The following ADAMTS2 variants were observed in gnomAD, a reference collection of about 807,000 sequenced individuals.
ADAMTS2 encodes the protein ADAM metallopeptidase with thrombospondin type 1 motif 2, also known as A disintegrin and metalloproteinase with thrombospondin motifs 2.
Under a neutral mutation model 123.0 loss-of-function variants are expected in ADAMTS2, and 50 were observed. The ratio of observed to expected loss-of-function variants is 0.41; its 90% CI spans 0.32 to 0.51. The LOEUF (loss-of-function observed/expected upper bound fraction) is 0.51. Among genes scored for constraint, ADAMTS2 ranks in the 20% least tolerant of loss-of-function variants. ADAMTS2 has a pLI of 0.35. For synonymous variants in ADAMTS2, 678 were observed against 695.4 expected (o/e 0.98, Z 0.39); for missense variants, 1,494 against 1,705.2 (o/e 0.88, Z 2.18).
chr5:179,150,099 A>C (rs1306368599), intron 10 of ADAMTS2, among the ~76,000 whole-genome samples: 2 of 150,660 alleles, frequency 1.3e-5, no homozygotes, highest in Non-Finnish European at 3.0e-5. Context: ...CCAGCCACAC[A>C]CACACATATG....
chr5:179,184,088 C>G (rs1188333812), intron 4 of ADAMTS2, among the ~76,000 whole-genome samples: 1 of 152,126 alleles, frequency 6.6e-6, no homozygotes, highest in Non-Finnish European at 1.5e-5. Flanking sequence ...TTTTGTTATA[C>G]CAGCCCAAGC....
At chr5:179,149,760 G>A (rs1042983216) in intron 10 of ADAMTS2, among the ~76,000 whole-genome samples, 6 of 152,324 alleles carry the variant, frequency 3.9e-5, no homozygotes, top group South Asian at 2.1e-4. Flanking sequence ...GGAGGAGCCC[G>A]TCTTCCACGT....
In ADAMTS2 at chr5:179,170,570, G is replaced by A. The variant is rs1203670949; in HGVS notation, c.975+10502C>T. 1.3e-5 allele frequency among the ~76,000 whole-genome samples: 2 copies of A among 152,006 alleles called. No homozygotes were observed. Among genetic ancestry groups the A allele is most frequent in the African/African-American group, 2.4e-5 (1 of 41,378 alleles). Reference sequence around the variant, plus strand: ...CAAACTTTGTCCCCAGAGCCCCATCGAGAATCCCTGGCTGTGCTTCTCTGT... The same window carrying A: ...CAAACTTTGTCCCCAGAGCCCCATCAAGAATCCCTGGCTGTGCTTCTCTGT... On this transcript the variant is annotated intron_variant, in intron 5 of 21. Coordinates refer to ENST00000251582, the MANE Select transcript of ADAMTS2 (RefSeq NM_014244.5). This position sits in a 1 kb window ranked among gnomAD's most constrained non-coding sequence, Gnocchi z 4.3.
Position 179,154,875 on chromosome 5 carries a change from T to G in ADAMTS2, c.1177A>C (p.Thr393Pro). The change falls in exon 7 of 22, where the codon ACC (threonine) becomes CCC (proline). Residue 393 changes from threonine (T) to proline (P), a missense_variant. Thr to Pro is a conservative substitution (Grantham distance 38, BLOSUM62 -1). This residue lies in a region of ADAMTS2 where 47 missense variants were observed against 92.7 expected (regional missense o/e 0.51). Coordinates refer to ENST00000251582, the MANE Select transcript of ADAMTS2 (RefSeq NM_014244.5). Reference protein sequence around the residue: ...TGMCHPVRSCTLNHEDGFSSA... With the variant: ...TGMCHPVRSCPLNHEDGFSSA... ...GAGAAGCCGTCCTCATGGTTCAGGG[T>G]GCAGCTGCGGACCGGATGGCACATG... 1 of 1,613,720 alleles carries G rather than the reference T, an allele frequency of 6.2e-7. No homozygotes were observed. Among genetic ancestry groups the G allele is most frequent in the Non-Finnish European group, 8.5e-7 (1 of 1,179,958 alleles).
intron 12 of ADAMTS2, 61 bp downstream of exon 12, chr5:179,137,708 A>ACCCTGC: frequency 5.7e-6 from 3 of 522,442 alleles, no homozygotes; most frequent in Non-Finnish European, 7.1e-6. Flanking sequence ...ACAAGCCCCC[A>ACCCTGC]CCCTGCCCAC....
chr5:179,122,517 C>A, intron 20 of ADAMTS2, 127 bp downstream of exon 20: 1 of 1,377,568 alleles, frequency 7.3e-7, no homozygotes, highest in Non-Finnish European at 9.8e-7. Flanking sequence ...CCCGCTTCTC[C>A]ATGCTCACAG....
chr5:179,212,533 G>T lies in ADAMTS2; in HGVS notation c.689-4818C>A, dbSNP rs1489911621. Among the ~76,000 whole-genome samples, 4 of 137,818 alleles carry T rather than the reference G, an allele frequency of 2.9e-5. 1 individual carries two copies. Among genetic ancestry groups the T allele is most frequent in the Admixed American group, 7.2e-5 (1 of 13,886 alleles). The allele number at this position is 137,818 out of a possible 152,430, so 90.4% of individuals were successfully genotyped here. On this transcript the variant is annotated intron_variant, in intron 3 of 21. Coordinates refer to ENST00000251582, the MANE Select transcript of ADAMTS2 (RefSeq NM_014244.5). ...TTGTGGGCAGGTGTGGGCTCCGAAG[G>T]CAGGTGCAGTGAGCAGGCGTGGGTC...
chr5:179,195,270 T>C (rs1764400314), intron 4 of ADAMTS2, among the ~76,000 whole-genome samples: 1 of 152,172 alleles, frequency 6.6e-6, no homozygotes, highest in Non-Finnish European at 1.5e-5. Context: ...CTGAGCACTT[T>C]CCTGGTGTTC....
intron 4 of ADAMTS2, among the ~76,000 whole-genome samples, chr5:179,193,503 C>T (rs933717110): frequency 3.3e-5 from 5 of 152,070 alleles, no homozygotes; most frequent in Admixed American, 1.3e-4. Flanking sequence ...AACTGTATCC[C>T]GGGACCTGGC....
chr5:179,153,045 C>T (rs778189251), intron 9 of ADAMTS2, among the ~76,000 whole-genome samples: 28 of 152,236 alleles, frequency 1.8e-4, no homozygotes, highest in South Asian at 4.1e-4. Context: ...GTTCCTCTGA[C>T]GGCTCAGCCC....
intron 2 of ADAMTS2, among the ~76,000 whole-genome samples, chr5:179,304,150 C>T (rs762834168): frequency 3.3e-5 from 5 of 152,180 alleles, no homozygotes; most frequent in Admixed American, 6.5e-5. Flanking sequence ...CATTGAACCG[C>T]AATCCACAGG....
chr5:179,221,105 G>A (rs941075091), intron 3 of ADAMTS2, among the ~76,000 whole-genome samples: 7 of 152,128 alleles, frequency 4.6e-5, no homozygotes, highest in African/African-American at 1.4e-4. Context: ...AGCCCTGCAC[G>A]GTGGGCCACA....
chr5:179,218,486 A>G (rs1765053003), intron 3 of ADAMTS2, among the ~76,000 whole-genome samples: 1 of 152,268 alleles, frequency 6.6e-6, no homozygotes. Context: ...GGCCATCAGC[A>G]CAGAGCCCCA....
In ADAMTS2 at chr5:179,221,238, C is replaced by T. The variant is rs147859667; in HGVS notation, c.689-13523G>A. On this transcript the variant is annotated intron_variant, in intron 3 of 21. Transcript: ENST00000251582. ...TGGAGTGGGCACGGGACCTCTCTTACGCAAATGAGGGAACAAGCCCTGGGC... is the reference window on the plus strand; with the variant it reads ...TGGAGTGGGCACGGGACCTCTCTTATGCAAATGAGGGAACAAGCCCTGGGC... Among the ~76,000 whole-genome samples, 262 of 152,300 alleles carry T rather than the reference C, an allele frequency of 1.7e-3. 2 individuals carry two copies. Among genetic ancestry groups the T allele is most frequent in the African/African-American group, 5.8e-3 (241 of 41,564 alleles).
At chr5:179,209,522 G>T (rs1011686284) in intron 3 of ADAMTS2, among the ~76,000 whole-genome samples, 1 of 151,126 alleles carries the variant, frequency 6.6e-6, no homozygotes, top group Admixed American at 6.6e-5. Context: ...ACACACACAT[G>T]CACACACACA....
chr5:179,194,974 C>T (rs1043242055), intron 4 of ADAMTS2, among the ~76,000 whole-genome samples: 5 of 152,218 alleles, frequency 3.3e-5, no homozygotes, highest in Admixed American at 6.5e-5. Context: ...CTGCGCACTG[C>T]GATTCACGAT....
In ADAMTS2 at chr5:179,202,838, G is replaced by A. The variant is rs889009880; in HGVS notation, c.891+4675C>T. On this transcript the variant is annotated intron_variant, in intron 4 of 21. Transcript: ENST00000251582. The surrounding 1 kb of genome is among the most constrained non-coding windows in gnomAD (Gnocchi z 4.0). Reference sequence around the variant, plus strand: ...CCGTGGCAGGGGAGACAGAGATGGAGGGGACTCCAAGCTCTTACCAGCCTT... The same window carrying A: ...CCGTGGCAGGGGAGACAGAGATGGAAGGGACTCCAAGCTCTTACCAGCCTT... 6.6e-6 allele frequency among the ~76,000 whole-genome samples: 1 copy of A among 152,214 alleles called. No homozygotes were observed. Among genetic ancestry groups the A allele is most frequent in the Non-Finnish European group, 1.5e-5 (1 of 68,030 alleles).
intron 5 of ADAMTS2, among the ~76,000 whole-genome samples, chr5:179,171,424 C>T (rs1039645183): frequency 1.3e-5 from 2 of 152,230 alleles, no homozygotes; most frequent in African/African-American, 4.8e-5. Context: ...GCAGTGCCAC[C>T]TCCTCTGCTC....
rs144313772 is a variant in ADAMTS2 at position 179,125,196 on chromosome 5, G to A, written c.2751-16C>T. 6.5e-5 allele frequency: 104 copies of A among 1,610,734 alleles called. No individual in the cohort carries two copies. In the East Asian group the frequency reaches 9.4e-4, roughly 15 times the overall value. The stretch of plus-strand genomic sequence containing the variant: ...TGTGACCCACCTGCCAGGGCAGAGC[G>A]GGGCACAGTCAGGCTTCCGCAGCAC... On this transcript the variant is annotated splice_polypyrimidine_tract_variant and intron_variant, in intron 18 of 21. Coordinates refer to ENST00000251582, the MANE Select transcript of ADAMTS2 (RefSeq NM_014244.5).
Sources: allele counts gnomAD v4.1 joint callset (sites outside exome capture counted in the v4.1 genomes callset), GRCh38; gene constraint gnomAD v4.1.1; regional missense constraint gnomAD v4.1.1; non-coding constraint Gnocchi (gnomAD v3.1); transcripts MANE v1.5; gene names NCBI Gene and HGNC (gene_info 2026-07-23, HGNC 2026-07-21).